The following TAF2 variants were observed in gnomAD, a reference collection of about 807,000 sequenced individuals.
The protein encoded by TAF2 is TATA-box binding protein associated factor 2, also known as transcription initiation factor TFIID subunit 2.
Under a neutral mutation model 138.5 loss-of-function variants are expected in TAF2, and 61 were observed. The ratio of observed to expected loss-of-function variants is 0.44; its 90% CI spans 0.36 to 0.54. The LOEUF (loss-of-function observed/expected upper bound fraction) is 0.54. TAF2 is among the 20% of genes least tolerant of loss of function. TAF2 has a pLI of 0.00. For synonymous variants in TAF2, 475 were observed against 469.9 expected (o/e 1.01, Z -0.14); for missense variants, 1,090 against 1,427.9 (o/e 0.76, Z 3.81).
chr8:119,762,725 G>C, intron 18 of TAF2, 117 bp from the exon 19 acceptor site: 1 of 880,976 alleles, frequency 1.1e-6, no homozygotes, highest in Non-Finnish European at 1.7e-6. Context: ...CAAAACACAA[G>C]CAAGTCCTCT....
At chr8:119,738,320 A>G (rs1819371112) in intron 25 of TAF2, among the ~76,000 whole-genome samples, 1 of 152,176 alleles carries the variant, frequency 6.6e-6, no homozygotes, top group Non-Finnish European at 1.5e-5. Flanking sequence ...GAGGTCATCT[A>G]TAGAACTCTA....
intron 15 of TAF2, among the ~76,000 whole-genome samples, chr8:119,784,959 G>A (rs1486282400): frequency 5.3e-5 from 8 of 152,110 alleles, no homozygotes; most frequent in Non-Finnish European, 8.8e-5. Flanking sequence ...TCAAAGTTGT[G>A]CTCACCCCTC....
chr8:119,793,947 G>A (rs1386339974), intron 9 of TAF2, among the ~76,000 whole-genome samples: 1 of 150,040 alleles, frequency 6.7e-6, no homozygotes, highest in Non-Finnish European at 1.5e-5. Flanking sequence ...GTTTTGTTTT[G>A]AGACAGGGTT....
At chr8:119,828,393 T>C (rs1194024295) in intron 2 of TAF2, among the ~76,000 whole-genome samples, 1 of 152,176 alleles carries the variant, frequency 6.6e-6, no homozygotes, top group Non-Finnish European at 1.5e-5. Flanking sequence ...ATCATTTCAA[T>C]TACTGAACAG....
chr8:119,806,139 T>A (rs1824625525), intron 4 of TAF2, 144 bp downstream of exon 4: 1 of 736,978 alleles, frequency 1.4e-6, no homozygotes, highest in African/African-American at 1.7e-5. Context: ...TGATCTTAGG[T>A]GATCCACCCG....
rs1823224354 is a variant in TAF2, at chr8:119,788,919, A to C, written c.1569-15T>G. On this transcript the variant is annotated splice_polypyrimidine_tract_variant and intron_variant, in intron 12 of 25. Coordinates refer to ENST00000378164, the MANE Select transcript of TAF2 (RefSeq NM_003184.4). ...CACTCTGATCTCTGAAGAATTGTAAAGGAAAGTTTACATACTGAAACGAAT... is the reference window on the plus strand; with the variant it reads ...CACTCTGATCTCTGAAGAATTGTAACGGAAAGTTTACATACTGAAACGAAT... 3 of 1,535,970 alleles carry C rather than the reference A, an allele frequency of 2.0e-6. No individual in the cohort carries two copies. The East Asian group carries it at 6.7e-5, about 35-fold the overall frequency.
intron 22 of TAF2, among the ~76,000 whole-genome samples, chr8:119,753,666 G>A (rs911820000): frequency 1.3e-5 from 2 of 152,116 alleles, no homozygotes; most frequent in African/African-American, 2.4e-5. Flanking sequence ...GTCACAGCTT[G>A]AATTTGTACA....
chr8:119,832,450 AAAGG>A (rs747172787), intron 1 of TAF2, 28 bp downstream of exon 1: 29 of 1,607,714 alleles, frequency 1.8e-5, no homozygotes, highest in East Asian at 2.2e-5. Context: ...AACAAAACCA[AAAGG>A]AAGGAAGGGA....
intron 22 of TAF2, among the ~76,000 whole-genome samples, chr8:119,747,598 C>T (rs1486032179): frequency 1.3e-5 from 2 of 151,972 alleles, no homozygotes; most frequent in African/African-American, 2.4e-5. Flanking sequence ...CAAGTCATAC[C>T]GTACCCCACA....
At chr8:119,745,163 G>A in intron 23 of TAF2, 1 of 354,162 alleles carries the variant, frequency 2.8e-6, no homozygotes, top group Non-Finnish European at 5.6e-6. Context: ...ATCAGCAATG[G>A]GCTTAAAATA....
chr8:119,817,399 C>T (rs1050535907), intron 3 of TAF2, among the ~76,000 whole-genome samples: 7 of 152,056 alleles, frequency 4.6e-5, no homozygotes, highest in Non-Finnish European at 7.3e-5. Context: ...AGATCTAGGT[C>T]GCACACTACT....
At chr8:119,762,357 T>A (rs1821121374) in intron 19 of TAF2, 58 bp downstream of exon 19, 1 of 1,522,056 alleles carries the variant, frequency 6.6e-7, no homozygotes, top group Non-Finnish European at 9.0e-7. Context: ...ATAACAAAAA[T>A]AAATTTCTTT....
At position 119,790,765 on chromosome 8, in the gene TAF2, T is replaced by C. The variant is rs117259666; in HGVS notation, c.1413+559A>G. 1.4e-4 allele frequency among the ~76,000 whole-genome samples: 21 copies of C among 152,230 alleles called. No individual in the cohort carries two copies. In the East Asian group the frequency reaches 3.1e-3, roughly 22 times the overall value. The stretch of plus-strand genomic sequence containing the variant: ...ATACAATGCAGAACACAAATTCATA[T>C]GTATAAATATGTTTTACTTTCATCC... On this transcript the variant is annotated intron_variant, in intron 11 of 25. Transcript: ENST00000378164.
intron 18 of TAF2, among the ~76,000 whole-genome samples, chr8:119,773,250 C>T (rs1484538320): frequency 1.3e-5 from 2 of 151,286 alleles, no homozygotes; most frequent in Non-Finnish European, 2.9e-5. Context: ...TAAAGCTATT[C>T]TTATAATACA....
rs548022826 is a variant in TAF2, at chr8:119,790,801, AGTTT to A, written c.1413+519_1413+522del. Among the ~76,000 whole-genome samples, 1,376 of 148,762 alleles carry A rather than the reference AGTTT, an allele frequency of 9.2e-3. 19 individuals carry two copies. The highest frequency in any genetic ancestry group is 0.034 in the African/African-American group (1,312 of 39,070). On this transcript the variant is annotated intron_variant, in intron 11 of 25. Coordinates refer to ENST00000378164, the MANE Select transcript of TAF2 (RefSeq NM_003184.4). ...GTTTTACTTTCATCCCCACAATTCT[AGTTT>A]TTTTTTCTTTTGAGACAGTCTCACT...
At position 119,801,949 on chromosome 8, in the gene TAF2, C is replaced by A; in HGVS notation, c.637G>T (p.Val213Phe). 1 of 1,614,144 alleles carries A rather than the reference C, an allele frequency of 6.2e-7. No individual in the cohort carries two copies. The highest frequency in any genetic ancestry group is 8.5e-7 in the Non-Finnish European group (1 of 1,180,036). ...ACCAAATCGCCATTAGAAACAGCAA[C>A]CATTGCAGCATCTACTGTAAATTCT... is the stretch of plus-strand genomic sequence containing the variant. ...KLEFTVDAAM[V>F]AVSNGDLVET... Residue 213 changes from valine (V) to phenylalanine (F), a missense_variant, in exon 6 of 26, where the codon GTT (valine) becomes TTT (phenylalanine). Transcript: ENST00000378164.
rs1821135641 is a variant in TAF2, at chr8:119,762,514, T to C, written c.2459A>G (p.Asp820Gly). The change falls in exon 19 of 26, where the codon GAT becomes GGT. Residue 820 changes from aspartate (D) to glycine (G), a missense_variant. Transcript: ENST00000378164. ...VSVNNEVRTL[D>G]NLNPDVRLIL... is the part of the protein sequence containing the mutation. ...GAGTCGCACATCAGGATTTAAGTTATCCAAAGTTCTAACTTCATTATTCAC... is the reference window on the plus strand; with the variant it reads ...GAGTCGCACATCAGGATTTAAGTTACCCAAAGTTCTAACTTCATTATTCAC... The C allele has an allele frequency of 1.9e-6, 3 of 1,613,838 alleles. No homozygotes were observed. The highest frequency in any genetic ancestry group is 2.5e-6 in the Non-Finnish European group (3 of 1,179,950).
At chr8:119,793,926 G>A (rs1358254109) in intron 9 of TAF2, among the ~76,000 whole-genome samples, 1 of 150,138 alleles carries the variant, frequency 6.7e-6, no homozygotes, top group African/African-American at 2.5e-5. Context: ...GGGGTTGGGG[G>A]CAGTTGTTTT....
Position 119,803,739 on chromosome 8 carries a change from A to T in TAF2, c.560+139T>A, listed in dbSNP as rs904675818. 7 of 909,962 alleles carry T rather than the reference A, an allele frequency of 7.7e-6. No homozygotes were observed. The African/African-American group carries it at 8.5e-5, about 11-fold the overall frequency. The allele number at this position is 909,962 out of a possible 1,614,324, so 56.4% of individuals were successfully genotyped here. A position where few individuals can be genotyped will look rare whatever the true frequency, so the allele number is the denominator to read the frequency against. ...TTTTTTTTTAAGAGGAATGACTAACAGAAAGTAATTTGAAAGAAGTCTAAA... is the reference window on the plus strand; with the variant it reads ...TTTTTTTTTAAGAGGAATGACTAACTGAAAGTAATTTGAAAGAAGTCTAAA... On this transcript the variant is annotated intron_variant, in intron 5 of 25. Coordinates refer to ENST00000378164, the MANE Select transcript of TAF2 (RefSeq NM_003184.4).
Sources: allele counts gnomAD v4.1 joint callset (sites outside exome capture counted in the v4.1 genomes callset), GRCh38; gene constraint gnomAD v4.1.1; transcripts MANE v1.5; gene names NCBI Gene and HGNC (gene_info 2026-07-23, HGNC 2026-07-21).